TAF3: variants seen among roughly 807,000 people sequenced by gnomAD.
TAF3 encodes TATA-box binding protein associated factor 3, also known as transcription initiation factor TFIID subunit 3.
In TAF3, 7 loss-of-function variants were observed where a neutral mutation model predicts 80.6. The ratio of observed to expected loss-of-function variants is 0.09; its 90% CI spans 0.05 to 0.16. The LOEUF (loss-of-function observed/expected upper bound fraction) is 0.16, where lower values mean the gene tolerates loss of function less well. Among genes scored for constraint, TAF3 ranks in the 10% least tolerant of loss-of-function variants. The probability of loss-of-function intolerance (pLI) is 1.00; values close to 1 mark genes in which losing one functional copy is unlikely to be tolerated. For missense variants in TAF3, 921 were observed against 1,140.2 expected, an observed-to-expected ratio of 0.81 and a Z score of 2.77; for synonymous variants, 444 against 446.1, an observed-to-expected ratio of 1.00 and a Z score of 0.06.
chr10:7,968,367 C>G (rs1831592430), intron 3 of TAF3, among the ~76,000 whole-genome samples: 1 of 152,172 alleles, frequency 6.6e-6, no homozygotes, highest in African/African-American at 2.4e-5. Context: ...TTTATTTTAC[C>G]TGCTTATAAA....
intron 2 of TAF3, among the ~76,000 whole-genome samples, chr10:7,831,376 C>T (rs1836798162): frequency 6.6e-6 from 1 of 151,836 alleles, no homozygotes; most frequent in African/African-American, 2.4e-5. Context: ...GATGGAGTCT[C>T]ACTCCATCGC....
chr10:7,871,591 GTGCCACCA>G (rs1304143316), intron 2 of TAF3, among the ~76,000 whole-genome samples: 1 of 151,816 alleles, frequency 6.6e-6, no homozygotes, highest in Admixed American at 6.6e-5. Flanking sequence ...TTATAGGCAT[GTGCCACCA>G]TGCCTGGCTA....
intron 2 of TAF3, among the ~76,000 whole-genome samples, chr10:7,844,609 C>G (rs987099935): frequency 6.6e-6 from 1 of 152,152 alleles, no homozygotes; most frequent in Non-Finnish European, 1.5e-5. Flanking sequence ...ATCTCCTGAC[C>G]TTGTGATCCG....
intron 2 of TAF3, among the ~76,000 whole-genome samples, chr10:7,879,549 A>T (rs1398562189): frequency 6.6e-6 from 1 of 152,254 alleles, no homozygotes. Context: ...GAAATTTATT[A>T]TACTAATAAG....
chr10:7,907,616 T>G (rs1159579520), intron 2 of TAF3, among the ~76,000 whole-genome samples: 1 of 152,194 alleles, frequency 6.6e-6, no homozygotes, highest in Non-Finnish European at 1.5e-5. Flanking sequence ...AATACTGACT[T>G]GGTATGAAAT....
In TAF3 at chr10:8,006,179, TACACACACACACAC is replaced by T. The variant is rs59502450; in HGVS notation, c.2316-2867_2316-2854del. 2.9e-3 allele frequency among the ~76,000 whole-genome samples: 391 copies of T among 134,668 alleles called. 3 individuals carry two copies. The highest frequency in any genetic ancestry group is 0.01 in the Admixed American group (134 of 13,398). 88.3% of individuals were successfully genotyped at this position (134,668 alleles called of 152,430 possible). On this transcript the variant is annotated intron_variant, in intron 4 of 6. Transcript: ENST00000344293. ...ACCCCGTCTCTACTGAAAAAAAAAA[TACACACACACACAC>T]ACACACACACACACACACACACACA...
chr10:7,881,256 A>G (rs1312328213), intron 2 of TAF3, among the ~76,000 whole-genome samples: 1 of 151,820 alleles, frequency 6.6e-6, no homozygotes, highest in Non-Finnish European at 1.5e-5. Flanking sequence ...AAAAAACAAA[A>G]AAAAAACCCA....
intron 2 of TAF3, among the ~76,000 whole-genome samples, chr10:7,880,480 G>T (rs1837350531): frequency 6.6e-6 from 1 of 152,180 alleles, no homozygotes; most frequent in Non-Finnish European, 1.5e-5. Flanking sequence ...AGAAAACAGT[G>T]TGCCACAGTA....
At chr10:7,917,345 C>G (rs1051324691) in intron 2 of TAF3, among the ~76,000 whole-genome samples, 10 of 152,194 alleles carry the variant, frequency 6.6e-5, no homozygotes, top group Admixed American at 2.6e-4. Context: ...CAGGTGAAAA[C>G]ATTTCAGGCA....
intron 4 of TAF3, among the ~76,000 whole-genome samples, chr10:8,002,160 C>T (rs1322049116): frequency 2.0e-5 from 3 of 152,092 alleles, no homozygotes; most frequent in South Asian, 2.1e-4. Flanking sequence ...CTCTTTCCTG[C>T]CCCTGAAATT....
At chr10:7,990,415 T>A (rs1045563454) in intron 4 of TAF3, among the ~76,000 whole-genome samples, 11 of 152,218 alleles carry the variant, frequency 7.2e-5, no homozygotes, top group Non-Finnish European at 1.6e-4. Context: ...TATAATTTAA[T>A]ACAAGGAAAT....
intron 2 of TAF3, among the ~76,000 whole-genome samples, chr10:7,937,636 G>T (rs1052774484): frequency 6.6e-6 from 1 of 152,056 alleles, no homozygotes; most frequent in Non-Finnish European, 1.5e-5. Context: ...ATAGTCTGTG[G>T]CTTGTCTTTT....
intron 5 of TAF3, among the ~76,000 whole-genome samples, chr10:8,011,399 G>C (rs888036240): frequency 1.3e-5 from 2 of 152,008 alleles, no homozygotes; most frequent in African/African-American, 4.8e-5. Context: ...GACCACAGGC[G>C]TCTGCCACCA....
intron 2 of TAF3, among the ~76,000 whole-genome samples, chr10:7,874,193 C>T (rs1837294092): frequency 6.6e-6 from 1 of 152,000 alleles, no homozygotes; most frequent in Non-Finnish European, 1.5e-5. Context: ...GCGGACATTT[C>T]AAGAAAGAGT....
chr10:7,947,523 A>C (rs1161218124), intron 2 of TAF3, among the ~76,000 whole-genome samples: 2 of 152,218 alleles, frequency 1.3e-5, no homozygotes, highest in Non-Finnish European at 2.9e-5. Flanking sequence ...AGTTGATTGC[A>C]ATGTGCAGTG....
At chr10:7,932,666 T>C (rs1002964604) in intron 2 of TAF3, among the ~76,000 whole-genome samples, 13 of 144,352 alleles carry the variant, frequency 9.0e-5, no homozygotes, top group African/African-American at 3.4e-4. Flanking sequence ...TATGTTCCAC[T>C]TAATTTTTTT....
chr10:7,987,707 T>C (rs1453830151), intron 4 of TAF3, among the ~76,000 whole-genome samples: 1 of 152,200 alleles, frequency 6.6e-6, no homozygotes, highest in Non-Finnish European at 1.5e-5. Flanking sequence ...AATCCTATTG[T>C]TCTAAAATTG....
intron 2 of TAF3, among the ~76,000 whole-genome samples, chr10:7,928,664 T>C (rs1251700805): frequency 6.6e-6 from 1 of 152,198 alleles, no homozygotes; most frequent in Admixed American, 6.5e-5. Flanking sequence ...ATGAATGTTG[T>C]AATGGTTTTT....
chr10:8,001,881 TAGACAATAGC>T (rs1831947923), intron 4 of TAF3, among the ~76,000 whole-genome samples: 1 of 152,164 alleles, frequency 6.6e-6, no homozygotes, highest in Non-Finnish European at 1.5e-5. Flanking sequence ...AAAATTATTG[TAGACAATAGC>T]TTCAGTCTCT....
Sources: allele counts gnomAD v4.1 joint callset (sites outside exome capture counted in the v4.1 genomes callset), GRCh38; gene constraint gnomAD v4.1.1; transcripts MANE v1.5; gene names NCBI Gene and HGNC (gene_info 2026-07-23, HGNC 2026-07-21).